The following GABRA2 variants were observed in gnomAD, a reference collection of about 807,000 sequenced individuals.
GABRA2 encodes gamma-aminobutyric acid receptor subunit alpha-2.
Under a neutral mutation model 48.7 loss-of-function variants are expected in GABRA2, and 16 were observed. That is an observed-to-expected ratio of 0.33 (90% CI 0.22 to 0.50). The LOEUF (loss-of-function observed/expected upper bound fraction) is 0.50. Ranked by LOEUF, GABRA2 falls within the 20% of genes least tolerant of loss-of-function variation. The pLI is 0.98. For missense variants in GABRA2, 275 were observed against 535.6 expected, an observed-to-expected ratio of 0.51 and a Z score of 4.80; for synonymous variants, 185 against 184.5, an observed-to-expected ratio of 1.00 and a Z score of -0.02.
At chr4:46,384,592 A>T (rs1717196987) in intron 3 of GABRA2, among the ~76,000 whole-genome samples, 1 of 152,198 alleles carries the variant, frequency 6.6e-6, no homozygotes, top group Admixed American at 6.5e-5. Flanking sequence ...GATATTTTAA[A>T]ATTTGACAGC....
chr4:46,351,854 A>G (rs771334120), intron 3 of GABRA2, among the ~76,000 whole-genome samples: 9 of 151,900 alleles, frequency 5.9e-5, no homozygotes, highest in Non-Finnish European at 8.8e-5. Context: ...TTGATACACT[A>G]TTAGGAATAG....
At chr4:46,376,916 T>C (rs1420671753) in intron 3 of GABRA2, among the ~76,000 whole-genome samples, 1 of 152,056 alleles carries the variant, frequency 6.6e-6, no homozygotes, top group Non-Finnish European at 1.5e-5. Context: ...CCTATTTTTT[T>C]GGTGGAGACG....
In GABRA2 at chr4:46,246,222, G is replaced by C. The variant is rs1577728245; in HGVS notation, c.*4086C>G. 6.6e-6 allele frequency among the ~76,000 whole-genome samples: 1 copy of C among 150,954 alleles called. No individual in the cohort carries two copies. The highest frequency in any genetic ancestry group is 6.6e-5 in the Admixed American group (1 of 15,072). On this transcript the variant is annotated 3_prime_UTR_variant, in exon 10 of 10. Transcript: ENST00000381620. ...TTGGTTTAATTAACAACAGTCTCCT[G>C]TTTCCTGTGGTTTCTTCTTTTCAGT...
chr4:46,316,418 C>T (rs1728565247), intron 4 of GABRA2, among the ~76,000 whole-genome samples: 2 of 151,978 alleles, frequency 1.3e-5, no homozygotes, highest in Non-Finnish European at 2.9e-5. Context: ...TGGCTATGTT[C>T]CAATAAAACT....
At chr4:46,377,203 G>A (rs1389763893) in intron 3 of GABRA2, among the ~76,000 whole-genome samples, 4 of 151,028 alleles carry the variant, frequency 2.6e-5, no homozygotes, top group Non-Finnish European at 4.4e-5. Context: ...CCCATCGTCT[G>A]GGATGTGAGG....
At chr4:46,300,824 C>T (rs1368454776) in intron 8 of GABRA2, among the ~76,000 whole-genome samples, 1 of 151,962 alleles carries the variant, frequency 6.6e-6, no homozygotes, top group Admixed American at 6.6e-5. Context: ...TCTTTTGATC[C>T]TTTTCTTTCT....
Position 46,369,271 on chromosome 4 carries a change from T to C in GABRA2, c.187+16803A>G, listed in dbSNP as rs528609621. On this transcript the variant is annotated intron_variant, in intron 3 of 9. Coordinates refer to ENST00000381620, the MANE Select transcript of GABRA2 (RefSeq NM_000807.4). ...CCGAATTTCATTGAGCTACTGTCAT[T>C]GGGAATTTCAGCTTGGGGTCACCAG... 2.2e-4 allele frequency among the ~76,000 whole-genome samples: 33 copies of C among 152,186 alleles called. No individual in the cohort carries two copies. The Middle Eastern group carries it at 0.014, about 63-fold the overall frequency.
chr4:46,318,049 T>G lies in GABRA2; in HGVS notation c.256-5333A>C, dbSNP rs543416502. On this transcript the variant is annotated intron_variant, in intron 4 of 9. Transcript: ENST00000381620. Reference sequence around the variant, plus strand: ...ATAGCCAATGACACATTTCTTAAATTTGAATCTATAATAGTTGTAAAGGCA... The same window carrying G: ...ATAGCCAATGACACATTTCTTAAATGTGAATCTATAATAGTTGTAAAGGCA... Among the ~76,000 whole-genome samples, 194 of 151,704 alleles carry G rather than the reference T, an allele frequency of 1.3e-3. 1 individual carries two copies. The highest frequency in any genetic ancestry group is 2.3e-3 in the Non-Finnish European group (157 of 67,716).
At chr4:46,348,697 T>C (rs1734590072) in intron 3 of GABRA2, among the ~76,000 whole-genome samples, 1 of 145,616 alleles carries the variant, frequency 6.9e-6, no homozygotes, top group Non-Finnish European at 1.5e-5. Flanking sequence ...ACACCGCATG[T>C]TCTCACTCAT....
intron 3 of GABRA2, among the ~76,000 whole-genome samples, chr4:46,375,949 T>C (rs1045123993): frequency 6.6e-6 from 1 of 152,182 alleles, no homozygotes; most frequent in Admixed American, 6.5e-5. Context: ...ATGGTACAAG[T>C]AAAAATCATT....
At chr4:46,345,018 G>T (rs1215942987) in intron 3 of GABRA2, among the ~76,000 whole-genome samples, 2 of 151,816 alleles carry the variant, frequency 1.3e-5, no homozygotes, top group Non-Finnish European at 2.9e-5. Context: ...GTCAAGGGTG[G>T]GACCTAGTGG....
intron 4 of GABRA2, among the ~76,000 whole-genome samples, chr4:46,319,047 T>C (rs1443005460): frequency 1.3e-5 from 2 of 151,804 alleles, no homozygotes; most frequent in Non-Finnish European, 2.9e-5. Context: ...TTTTTGCCAC[T>C]ACTAAAAATC....
intron 4 of GABRA2, among the ~76,000 whole-genome samples, chr4:46,321,184 G>A (rs1374613924): frequency 6.6e-6 from 1 of 151,914 alleles, no homozygotes. Flanking sequence ...AGAAAGGTAC[G>A]TTGGTTGTTT....
At chr4:46,254,734 A>T (rs1199942668) in intron 9 of GABRA2, among the ~76,000 whole-genome samples, 1 of 151,504 alleles carries the variant, frequency 6.6e-6, no homozygotes, top group Non-Finnish European at 1.5e-5. Flanking sequence ...ATGACTGATA[A>T]AATATCTCTC....
chr4:46,273,070 A>G (rs1273570678), intron 8 of GABRA2, among the ~76,000 whole-genome samples: 1 of 143,732 alleles, frequency 7.0e-6, no homozygotes, highest in Non-Finnish European at 1.5e-5. Flanking sequence ...ACAGAAATTT[A>G]AACAGTGTAG....
chr4:46,262,762 G>T (rs1303953973), intron 8 of GABRA2, among the ~76,000 whole-genome samples: 1 of 151,968 alleles, frequency 6.6e-6, no homozygotes, highest in Non-Finnish European at 1.5e-5. Context: ...GCCCAGCGTG[G>T]TGGCAGGTGC....
At chr4:46,312,240 G>A (rs1243713277) in intron 5 of GABRA2, among the ~76,000 whole-genome samples, 1 of 151,794 alleles carries the variant, frequency 6.6e-6, no homozygotes, top group African/African-American at 2.4e-5. Flanking sequence ...ATGTCGTGAA[G>A]AATAATGAAA....
chr4:46,298,228 C>G (rs74804677), intron 8 of GABRA2, among the ~76,000 whole-genome samples: 2 of 152,090 alleles, frequency 1.3e-5, no homozygotes, highest in East Asian at 3.9e-4. Context: ...TGTAATTATT[C>G]TTCTTTCACT....
chr4:46,335,137 G>A (rs1231013009), intron 3 of GABRA2, among the ~76,000 whole-genome samples: 1 of 152,066 alleles, frequency 6.6e-6, no homozygotes, highest in African/African-American at 2.4e-5. Context: ...ACAAGGAAAG[G>A]GAAGTGAACA....
Sources: gnomAD v4.1 joint callset for allele counts (sites outside exome capture counted in the v4.1 genomes callset) on GRCh38, gnomAD v4.1.1 for gene constraint, MANE v1.5 for transcripts, NCBI Gene and HGNC (gene_info 2026-07-23, HGNC 2026-07-21) for gene names.